Variants in COL25A1 observed in about 807,000 individuals in gnomAD.
The protein encoded by COL25A1 is collagen type XXV alpha 1 chain, also known as collagen alpha-1(XXV) chain.
A neutral mutation model predicts 128.4 loss-of-function variants in COL25A1; 103 were observed. That is an observed-to-expected ratio of 0.80 (90% confidence interval 0.68 to 0.94). The LOEUF (loss-of-function observed/expected upper bound fraction) is 0.94, where lower values mean the gene tolerates loss of function less well. Among genes scored for constraint, COL25A1 ranks in the 40% least tolerant of loss-of-function variants. The probability of loss-of-function intolerance (pLI) is 0.00; values close to 1 mark genes in which losing one functional copy is unlikely to be tolerated. For synonymous variants in COL25A1, 279 were observed against 277.2 expected (o/e 1.01, Z -0.06); for missense variants, 745 against 840.0 (o/e 0.89, Z 1.40).
chr4:109,154,845 G>A (rs1016721319), intron 3 of COL25A1, among the ~76,000 whole-genome samples: 2 of 152,060 alleles, frequency 1.3e-5, no homozygotes, highest in Admixed American at 6.6e-5. Flanking sequence ...ATTTCAATCC[G>A]AAGCAATCCT....
intron 3 of COL25A1, among the ~76,000 whole-genome samples, chr4:109,192,918 A>G (rs1275500146): frequency 6.6e-6 from 1 of 152,090 alleles, no homozygotes; most frequent in African/African-American, 2.4e-5. Flanking sequence ...GGCTCATGTG[A>G]AGACACAGAG....
intron 24 of COL25A1, among the ~76,000 whole-genome samples, chr4:108,856,594 T>C (rs1475957791): frequency 3.9e-5 from 6 of 152,240 alleles, no homozygotes; most frequent in African/African-American, 1.4e-4. Context: ...ACCAATAGTT[T>C]TGATGTGAAA....
intron 31 of COL25A1, chr4:108,838,314 G>A (rs2125743761): frequency 6.5e-6 from 4 of 618,424 alleles, no homozygotes; most frequent in South Asian, 4.0e-5. Flanking sequence ...TGTCTTGCAC[G>A]AAACATTAAT....
rs915202505 is a variant in COL25A1 at position 109,138,888 on chromosome 4, T to C, written c.368-88709A>G. ...ACGCCTGGCTAATTTTTTGTATTTTTAGTAGAGACGGGGTTTCACCCTGTT... is the reference window on the plus strand; with the variant it reads ...ACGCCTGGCTAATTTTTTGTATTTTCAGTAGAGACGGGGTTTCACCCTGTT... On this transcript the variant is annotated intron_variant, in intron 3 of 37. Transcript: ENST00000399132. Among the ~76,000 whole-genome samples, 7 of 152,038 alleles carry C rather than the reference T, an allele frequency of 4.6e-5. 1 individual carries two copies. Among genetic ancestry groups the C allele is most frequent in the Admixed American group, 3.9e-4 (6 of 15,262 alleles).
chr4:108,998,003 C>T (rs1425817862), intron 6 of COL25A1, among the ~76,000 whole-genome samples: 1 of 152,088 alleles, frequency 6.6e-6, no homozygotes, highest in Non-Finnish European at 1.5e-5. Context: ...TTATGACAAA[C>T]CCACAGGCAA....
chr4:109,090,143 A>C (rs556661536), intron 3 of COL25A1, among the ~76,000 whole-genome samples: 1 of 152,162 alleles, frequency 6.6e-6, no homozygotes, highest in Non-Finnish European at 1.5e-5. Context: ...TTTCAGAATA[A>C]AGTTATTTCT....
intron 31 of COL25A1, among the ~76,000 whole-genome samples, chr4:108,832,973 T>TAATTAATAAATAAATAAATAAATA (rs1553944789): frequency 9.4e-6 from 1 of 106,162 alleles, no homozygotes; most frequent in African/African-American, 3.1e-5. Context: ...TCTCAAAAAA[T>TAATTAATAAATAAATAAATAAATA]AATAAATAAA....
chr4:109,060,654 T>G (rs1375033591), intron 3 of COL25A1, among the ~76,000 whole-genome samples: 1 of 151,650 alleles, frequency 6.6e-6, no homozygotes. Context: ...CTTCCACACG[T>G]TGGGTGCTCA....
chr4:108,911,716 T>G (rs1744243151), intron 13 of COL25A1, among the ~76,000 whole-genome samples: 1 of 152,190 alleles, frequency 6.6e-6, no homozygotes, highest in Admixed American at 6.5e-5. Flanking sequence ...TGTGATTTCT[T>G]CTATAAAATG....
At chr4:108,920,625 A>G in intron 11 of COL25A1, 21 bp from the exon 12 acceptor site, 1 of 1,593,552 alleles carries the variant, frequency 6.3e-7, no homozygotes, top group Non-Finnish European at 8.6e-7. Context: ...AAAACGATTC[A>G]ATTAACATAC....
chr4:108,940,495 T>C, intron 10 of COL25A1, 44 bp downstream of exon 10: 1 of 1,538,002 alleles, frequency 6.5e-7, no homozygotes, highest in Non-Finnish European at 9.0e-7. Context: ...GCCCTTAACA[T>C]GAAGCAAAAC....
rs1281061469 is a variant in COL25A1, at chr4:108,813,716, A to G, written c.*211T>C. 2 of 528,882 alleles carry G rather than the reference A, an allele frequency of 3.8e-6. No homozygotes were observed. Among genetic ancestry groups the G allele is most frequent in the Non-Finnish European group, 6.8e-6 (2 of 293,198 alleles). 32.8% of individuals were successfully genotyped at this position (528,882 alleles called of 1,614,324 possible). On this transcript the variant is annotated 3_prime_UTR_variant, in exon 38 of 38. Coordinates refer to ENST00000399132, the MANE Select transcript of COL25A1 (RefSeq NM_198721.4). ...ACATAAGATAAGGAGATACTGATCT[A>G]TATTTTTTGCAGGATTCTCACTGGT...
intron 3 of COL25A1, among the ~76,000 whole-genome samples, chr4:109,192,055 G>A (rs1219068394): frequency 6.6e-6 from 1 of 152,192 alleles, no homozygotes; most frequent in Non-Finnish European, 1.5e-5. Flanking sequence ...GTCTTGAAGG[G>A]CAGGTAGCAT....
At chr4:108,886,481 TGTGTG>T (rs1560806349) in intron 18 of COL25A1, among the ~76,000 whole-genome samples, 16 of 133,682 alleles carry the variant, frequency 1.2e-4, no homozygotes, top group Admixed American at 6.5e-4. Context: ...TGTGTGTGTG[TGTGTG>T]TGTGTGTTTA....
intron 8 of COL25A1, among the ~76,000 whole-genome samples, chr4:108,961,276 A>G (rs1445843780): frequency 2.0e-5 from 3 of 152,188 alleles, no homozygotes; most frequent in Non-Finnish European, 4.4e-5. Context: ...ATTCACACAC[A>G]GAGATGTGTA....
chr4:109,046,550 T>G (rs754566137), intron 5 of COL25A1, among the ~76,000 whole-genome samples: 7 of 152,188 alleles, frequency 4.6e-5, no homozygotes, highest in Non-Finnish European at 7.3e-5. Flanking sequence ...GTTACTTACT[T>G]AACATGAAGA....
chr4:109,075,602 T>C (rs2125987649), intron 3 of COL25A1, among the ~76,000 whole-genome samples: 3 of 152,254 alleles, frequency 2.0e-5, no homozygotes, highest in African/African-American at 7.2e-5. Context: ...TTTTAGATTA[T>C]ACTTTCTTTC....
chr4:109,157,897 C>T (rs1218193055), intron 3 of COL25A1, among the ~76,000 whole-genome samples: 4 of 152,310 alleles, frequency 2.6e-5, no homozygotes, highest in Non-Finnish European at 4.4e-5. Context: ...GTGCCATTCC[C>T]GGCGCTAAAG....
At chr4:109,129,657 C>T (rs2126066406) in intron 3 of COL25A1, among the ~76,000 whole-genome samples, 1 of 152,254 alleles carries the variant, frequency 6.6e-6, no homozygotes, top group African/African-American at 2.4e-5. Flanking sequence ...CTGGGCCAGG[C>T]TAGTCTTTGA....
Sources: gnomAD v4.1 joint callset for allele counts (sites outside exome capture counted in the v4.1 genomes callset) on GRCh38, gnomAD v4.1.1 for gene constraint, MANE v1.5 for transcripts, NCBI Gene and HGNC (gene_info 2026-07-23, HGNC 2026-07-21) for gene names.